Variants in SYNDIG1 observed in about 807,000 individuals in gnomAD.
SYNDIG1 encodes synapse differentiation inducing 1.
Under a neutral mutation model 19.4 loss-of-function variants are expected in SYNDIG1, and 9 were observed. The ratio of observed to expected loss-of-function variants is 0.46; its 90% confidence interval spans 0.28 to 0.81. The LOEUF is 0.81. SYNDIG1 is among the 30% of genes least tolerant of loss of function. The pLI is 0.12. For missense variants in SYNDIG1, 311 were observed against 343.3 expected, an observed-to-expected ratio of 0.91 and a Z score of 0.74; for synonymous variants, 141 against 145.9, an observed-to-expected ratio of 0.97 and a Z score of 0.24.
intron 3 of SYNDIG1, among the ~76,000 whole-genome samples, chr20:24,589,956 C>T (rs896026724): frequency 2.0e-5 from 3 of 152,200 alleles, no homozygotes; most frequent in African/African-American, 7.2e-5. Context: ...TCAGTAAGTG[C>T]CAGGCATGCA....
chr20:24,567,122 T>C (rs2058058631), intron 2 of SYNDIG1, among the ~76,000 whole-genome samples: 1 of 152,110 alleles, frequency 6.6e-6, no homozygotes, highest in African/African-American at 2.4e-5. Context: ...CCATGAAAAT[T>C]CAGGCTTGCG....
chr20:24,536,769 A>C (rs1334890651), intron 1 of SYNDIG1, among the ~76,000 whole-genome samples: 1 of 152,096 alleles, frequency 6.6e-6, no homozygotes, highest in Non-Finnish European at 1.5e-5. Context: ...TGAGCTGCTG[A>C]ATGTGGAATC....
chr20:24,625,836 A>C (rs929398340), intron 3 of SYNDIG1, among the ~76,000 whole-genome samples: 2 of 152,248 alleles, frequency 1.3e-5, no homozygotes, highest in African/African-American at 4.8e-5. Flanking sequence ...TATTCCACAA[A>C]ACCGCCATTG....
At chr20:24,584,718 C>CG (rs1468808288) in intron 2 of SYNDIG1, 138 bp from the exon 3 acceptor site, 7 of 1,192,066 alleles carry the variant, frequency 5.9e-6, no homozygotes, top group Admixed American at 2.0e-5. Flanking sequence ...AACGATGACT[C>CG]GAACAACGTC....
intron 3 of SYNDIG1, among the ~76,000 whole-genome samples, chr20:24,640,170 C>T (rs1422463289): frequency 6.6e-6 from 1 of 151,906 alleles, no homozygotes; most frequent in Non-Finnish European, 1.5e-5. Flanking sequence ...CCCATCTCTA[C>T]AAAAAACACA....
At position 24,647,288 on chromosome 20, in the gene SYNDIG1, A is replaced by G. The variant is rs192464377; in HGVS notation, c.619-18058A>G. On this transcript the variant is annotated intron_variant, in intron 3 of 3. Coordinates refer to ENST00000376862, the MANE Select transcript of SYNDIG1 (RefSeq NM_024893.3). ...TATGAACACACAGGCAGGGCAGGGT[A>G]CATGGCAGCACTTTCTCAGTGGCTT... Among the ~76,000 whole-genome samples the G allele has an allele frequency of 3.4e-3, 512 of 152,316 alleles. 2 individuals are homozygous for G. Among genetic ancestry groups the G allele is most frequent in the South Asian group, 0.015 (73 of 4,826 alleles).
intron 3 of SYNDIG1, among the ~76,000 whole-genome samples, chr20:24,612,005 AG>A (rs1424703425): frequency 2.0e-5 from 3 of 152,244 alleles, no homozygotes; most frequent in Non-Finnish European, 4.4e-5. Flanking sequence ...CTGTGCTGAC[AG>A]GGACACAGCC....
chr20:24,584,830 C>A (rs1012865841), intron 2 of SYNDIG1, 26 bp from the exon 3 acceptor site: 1 of 1,613,898 alleles, frequency 6.2e-7, no homozygotes, highest in Non-Finnish European at 8.5e-7. Flanking sequence ...TCTCTCCTGT[C>A]CTGTCCTGCT....
At chr20:24,529,920 G>A (rs906888557) in intron 1 of SYNDIG1, among the ~76,000 whole-genome samples, 1 of 91,798 alleles carries the variant, frequency 1.1e-5, no homozygotes, top group African/African-American at 4.1e-5. Context: ...CCTGGTGATG[G>A]TATCAATGGT....
At chr20:24,481,315 G>A (rs554625194) in intron 1 of SYNDIG1, among the ~76,000 whole-genome samples, 1 of 152,258 alleles carries the variant, frequency 6.6e-6, no homozygotes, top group South Asian at 2.1e-4. Flanking sequence ...ATGGCTCCTG[G>A]GGCCTCAGCT....
intron 1 of SYNDIG1, among the ~76,000 whole-genome samples, chr20:24,518,051 C>T (rs561551415): frequency 6.6e-6 from 1 of 151,982 alleles, no homozygotes; most frequent in South Asian, 2.1e-4. Flanking sequence ...CGTGATCCAC[C>T]TGCCTCAGCT....
chr20:24,639,445 T>A (rs1378899184), intron 3 of SYNDIG1, among the ~76,000 whole-genome samples: 1 of 152,108 alleles, frequency 6.6e-6, no homozygotes, highest in Non-Finnish European at 1.5e-5. Context: ...TCACAGCAGC[T>A]CCCCAGAATT....
chr20:24,664,653 A>T (rs1169813489), intron 3 of SYNDIG1, among the ~76,000 whole-genome samples: 2 of 152,174 alleles, frequency 1.3e-5, no homozygotes, highest in African/African-American at 4.8e-5. Flanking sequence ...TGGTCATGTC[A>T]TTGAGCACTC....
intron 3 of SYNDIG1, among the ~76,000 whole-genome samples, chr20:24,659,711 C>A (rs952287863): frequency 6.6e-6 from 1 of 152,200 alleles, no homozygotes; most frequent in East Asian, 1.9e-4. Flanking sequence ...CCGGGCAATA[C>A]CTGCCCTTGA....
intron 3 of SYNDIG1, among the ~76,000 whole-genome samples, chr20:24,613,633 G>A (rs4815285): frequency 0.39 from 58,531 of 151,764 alleles, 12,647 homozygotes; most frequent in Admixed American, 0.52. Flanking sequence ...CCTCCTGACC[G>A]TGTGCCAGGA....
Position 24,584,838 on chromosome 20 carries a change from G to C in SYNDIG1, c.481-18G>C, listed in dbSNP as rs763304656. The stretch of plus-strand genomic sequence containing the variant: ...TTAATCTTCTCTCCTGTCCTGTCCT[G>C]CTGGTTCTCTCTTGCAGAGCGACTA... On this transcript the variant is annotated intron_variant, in intron 2 of 3. Coordinates refer to ENST00000376862, the MANE Select transcript of SYNDIG1 (RefSeq NM_024893.3). The C allele has an allele frequency of 1.2e-6, 2 of 1,613,910 alleles. No individual in the cohort carries two copies. The highest frequency in any genetic ancestry group is 1.7e-6 in the Non-Finnish European group (2 of 1,180,024).
intron 2 of SYNDIG1, among the ~76,000 whole-genome samples, chr20:24,549,919 G>A (rs142206842): frequency 8.5e-5 from 13 of 152,228 alleles, no homozygotes; most frequent in East Asian, 1.9e-4. Context: ...AACTCCTCTC[G>A]GCATTCAGAT....
At chr20:24,641,302 T>A (rs2059374795) in intron 3 of SYNDIG1, among the ~76,000 whole-genome samples, 1 of 152,110 alleles carries the variant, frequency 6.6e-6, no homozygotes, top group Non-Finnish European at 1.5e-5. Context: ...GATGGATGGA[T>A]GGATGGATGG....
chr20:24,632,714 C>T (rs1179147936), intron 3 of SYNDIG1, among the ~76,000 whole-genome samples: 2 of 152,180 alleles, frequency 1.3e-5, no homozygotes, highest in Non-Finnish European at 1.5e-5. Context: ...AGCGGGGAAA[C>T]AGCAGGAAGC....
Sources: gnomAD v4.1 joint callset for allele counts (sites outside exome capture counted in the v4.1 genomes callset) on GRCh38, gnomAD v4.1.1 for gene constraint, MANE v1.5 for transcripts, NCBI Gene and HGNC (gene_info 2026-07-23, HGNC 2026-07-21) for gene names.